Variants in MRRF observed in about 807,000 individuals in gnomAD.
The protein encoded by MRRF is mitochondrial ribosome recycling factor, also known as ribosome-recycling factor, mitochondrial.
In MRRF, 18 loss-of-function variants were observed where a neutral mutation model predicts 25.1. The observed-to-expected ratio is 0.72, with a 90% CI of 0.50 to 1.06. MRRF has a LOEUF of 1.06. Ranked by LOEUF, MRRF falls within the 50% of genes least tolerant of loss-of-function variation. The probability of loss-of-function intolerance (pLI) is 0.00; values close to 1 mark genes in which losing one functional copy is unlikely to be tolerated. For synonymous variants in MRRF, 113 were observed against 112.1 expected, an observed-to-expected ratio of 1.01 and a Z score of -0.05; for missense variants, 323 against 319.3, an observed-to-expected ratio of 1.01 and a Z score of -0.09.
At chr9:122,286,083 C>A in intron 4 of MRRF, 1 of 1,274,668 alleles carries the variant, frequency 7.8e-7, no homozygotes, top group Non-Finnish European at 1.0e-6. Flanking sequence ...GAATCCGGTC[C>A]CATCTCTACC....
At chr9:122,292,523 C>T (rs1297724372) in intron 5 of MRRF, among the ~76,000 whole-genome samples, 1 of 151,874 alleles carries the variant, frequency 6.6e-6, no homozygotes, top group Non-Finnish European at 1.5e-5. Flanking sequence ...AAATATAAGA[C>T]CTTGACCTTT....
chr9:122,328,577 T>C lies in MRRF; in HGVS notation c.*5960T>C, dbSNP rs1398013290. 6.6e-6 allele frequency: 1 copy of C among 152,258 alleles called. No homozygotes were observed. Among genetic ancestry groups the C allele is most frequent in the Non-Finnish European group, 1.5e-5 (1 of 68,052 alleles). 9.4% of individuals were successfully genotyped at this position (152,258 alleles called of 1,614,324 possible). A position where few individuals can be genotyped will look rare whatever the true frequency, so the allele number is the denominator to read the frequency against. On this transcript the variant is annotated 3_prime_UTR_variant, in exon 7 of 7. Coordinates refer to ENST00000344641, the MANE Select transcript of MRRF (RefSeq NM_138777.5). ...GAATTTCCTTTCTAAGGCTGAGTAA[T>C]CTGTTGTATATATGAATAAGTATAT...
At chr9:122,319,004 T>C (rs1835705742) in intron 6 of MRRF, among the ~76,000 whole-genome samples, 1 of 152,118 alleles carries the variant, frequency 6.6e-6, no homozygotes, top group African/African-American at 2.4e-5. Flanking sequence ...ACACTTAATG[T>C]CCCTAACACA....
rs1483592063 is a variant in MRRF, at chr9:122,329,488, T to G, written c.*6871T>G. The G allele has an allele frequency of 6.6e-6, 1 of 152,270 alleles. No individual in the cohort carries two copies. The highest frequency in any genetic ancestry group is 1.5e-5 in the Non-Finnish European group (1 of 68,076). 9.4% of individuals were successfully genotyped at this position (152,270 alleles called of 1,614,324 possible). A position where few individuals can be genotyped will look rare whatever the true frequency, so the allele number is the denominator to read the frequency against. Reference sequence around the variant, plus strand: ...CTCTCCTGATCCCTAAACCTGCCTATGCCTATTAAGCGCTTGGATTTGCCT... The same window carrying G: ...CTCTCCTGATCCCTAAACCTGCCTAGGCCTATTAAGCGCTTGGATTTGCCT... On this transcript the variant is annotated 3_prime_UTR_variant, in exon 7 of 7. Transcript: ENST00000344641.
chr9:122,319,147 CTTTTTT>C (rs35949709), intron 6 of MRRF, among the ~76,000 whole-genome samples: 3 of 121,016 alleles, frequency 2.5e-5, no homozygotes, highest in East Asian at 5.0e-4. Flanking sequence ...TTCTTTCTTT[CTTTTTT>C]TTTTTTTTTT....
intron 6 of MRRF, among the ~76,000 whole-genome samples, chr9:122,315,681 C>T (rs889375440): frequency 1.3e-5 from 2 of 152,106 alleles, no homozygotes; most frequent in South Asian, 2.1e-4. Context: ...GGCCCTGGCT[C>T]CAGCTGGGCC....
Position 122,292,703 on chromosome 9 carries a change from T to C in MRRF, c.551+863T>C, listed in dbSNP as rs192012510. Reference sequence around the variant, plus strand: ...GAAGGATTTAAGCAGGGGAATGACCTGATCTGATGTTGACTATGTGAGGGT... The same window carrying C: ...GAAGGATTTAAGCAGGGGAATGACCCGATCTGATGTTGACTATGTGAGGGT... On this transcript the variant is annotated intron_variant, in intron 5 of 6. Coordinates refer to ENST00000344641, the MANE Select transcript of MRRF (RefSeq NM_138777.5). Among the ~76,000 whole-genome samples the C allele has an allele frequency of 9.6e-4, 146 of 152,244 alleles. 1 individual carries two copies. Among genetic ancestry groups the C allele is most frequent in the African/African-American group, 3.3e-3 (137 of 41,536 alleles).
At position 122,293,586 on chromosome 9, in the gene MRRF, A is replaced by C. The variant is rs757471228; in HGVS notation, c.551+1746A>C. The stretch of plus-strand genomic sequence containing the variant: ...GAGGCTGAAGTAACACTCTGCTTTG[A>C]AATCATGTGAATTGGGAACAATATA... On this transcript the variant is annotated intron_variant, in intron 5 of 6. Coordinates refer to ENST00000344641, the MANE Select transcript of MRRF (RefSeq NM_138777.5). 2.6e-5 allele frequency among the ~76,000 whole-genome samples: 4 copies of C among 152,176 alleles called. 1 individual carries two copies. The South Asian group carries it at 6.2e-4, about 24-fold the overall frequency.
intron 6 of MRRF, among the ~76,000 whole-genome samples, chr9:122,314,023 G>T (rs1004719626): frequency 6.6e-6 from 1 of 151,946 alleles, no homozygotes; most frequent in African/African-American, 2.4e-5. Context: ...TAGAAGGAAG[G>T]TCTCGTACAC....
In MRRF at chr9:122,325,294, C is replaced by T. The variant is rs563190169; in HGVS notation, c.*2677C>T. On this transcript the variant is annotated 3_prime_UTR_variant, in exon 7 of 7. Coordinates refer to ENST00000344641, the MANE Select transcript of MRRF (RefSeq NM_138777.5). ...TAAATGAATAAAGGAAAACCTCGAGCCCAGGGCAGTCAGACAGCTCAGCAA... is the reference window on the plus strand; with the variant it reads ...TAAATGAATAAAGGAAAACCTCGAGTCCAGGGCAGTCAGACAGCTCAGCAA... 3 of 152,108 alleles carry T rather than the reference C, an allele frequency of 2.0e-5. No homozygotes were observed. The highest frequency in any genetic ancestry group is 2.9e-5 in the Non-Finnish European group (2 of 68,040). 9.4% of individuals were successfully genotyped at this position (152,108 alleles called of 1,614,324 possible). A position where few individuals can be genotyped will look rare whatever the true frequency, so the allele number is the denominator to read the frequency against.
intron 2 of MRRF, 78 bp downstream of exon 2, chr9:122,271,153 A>C: frequency 1.2e-5 from 15 of 1,216,468 alleles, no homozygotes; most frequent in Non-Finnish European, 1.7e-5. Context: ...CAGGTATCTC[A>C]GATGTACTGA....
chr9:122,286,116 G>A, intron 4 of MRRF: 1 of 1,266,428 alleles, frequency 7.9e-7, no homozygotes, highest in South Asian at 1.2e-5. Flanking sequence ...TTTGACCTTG[G>A]GCAAGTTGCT....
At chr9:122,307,566 C>G (rs1007990309) in intron 5 of MRRF, among the ~76,000 whole-genome samples, 1 of 152,194 alleles carries the variant, frequency 6.6e-6, no homozygotes, top group Non-Finnish European at 1.5e-5. Flanking sequence ...ACTCAGCTAT[C>G]CTTTGTTGAG....
chr9:122,303,488 C>T (rs1217938797), intron 5 of MRRF, among the ~76,000 whole-genome samples: 1 of 152,056 alleles, frequency 6.6e-6, no homozygotes, highest in Non-Finnish European at 1.5e-5. Flanking sequence ...TCAAGCGATC[C>T]TCCCACTCAG....
chr9:122,269,252 A>T (rs555304853), intron 1 of MRRF, among the ~76,000 whole-genome samples: 4 of 152,178 alleles, frequency 2.6e-5, no homozygotes, highest in African/African-American at 9.6e-5. Flanking sequence ...ACATGTATTC[A>T]TTATTAAATT....
intron 3 of MRRF, among the ~76,000 whole-genome samples, 172 bp from the exon 4 acceptor site, chr9:122,284,997 C>T (rs934000539): frequency 1.4e-4 from 22 of 152,152 alleles, no homozygotes; most frequent in African/African-American, 2.4e-4. Context: ...TGCTGTTTTG[C>T]GCAGGTTGGT....
chr9:122,315,190 TC>T, intron 6 of MRRF, among the ~76,000 whole-genome samples: 1 of 152,264 alleles, frequency 6.6e-6, no homozygotes, highest in Non-Finnish European at 1.5e-5. Context: ...TTTTATTAAT[TC>T]ATTTTTCTTG....
chr9:122,292,428 G>A (rs1377343551), intron 5 of MRRF, among the ~76,000 whole-genome samples: 1 of 152,124 alleles, frequency 6.6e-6, no homozygotes, highest in African/African-American at 2.4e-5. Context: ...GCTGAGAACA[G>A]AATATTGTTA....
At chr9:122,278,827 G>A (rs1214266159) in intron 2 of MRRF, among the ~76,000 whole-genome samples, 1 of 151,744 alleles carries the variant, frequency 6.6e-6, no homozygotes, top group Non-Finnish European at 1.5e-5. Context: ...ATGTCTAGGT[G>A]TGAATTTACT....
Sources: gnomAD v4.1 joint callset for allele counts (sites outside exome capture counted in the v4.1 genomes callset) on GRCh38, gnomAD v4.1.1 for gene constraint, MANE v1.5 for transcripts, NCBI Gene and HGNC (gene_info 2026-07-23, HGNC 2026-07-21) for gene names.